ZNF420: variants seen among roughly 807,000 people sequenced by gnomAD.
ZNF420 encodes zinc finger protein 420.
Under a neutral mutation model 44.7 loss-of-function variants are expected in ZNF420, and 31 were observed. That is an observed-to-expected ratio of 0.69 (90% confidence interval 0.52 to 0.94). ZNF420 has a LOEUF of 0.94. ZNF420 is among the 40% of genes least tolerant of loss of function. ZNF420 has a pLI of 0.00. For synonymous variants in ZNF420, 245 were observed against 267.4 expected (o/e 0.92, Z 0.82); for missense variants, 681 against 827.9 (o/e 0.82, Z 2.18).
At chr19:37,041,729 C>G (rs1967456144) in intron 1 of ZNF420, among the ~76,000 whole-genome samples, 7 of 152,130 alleles carry the variant, frequency 4.6e-5, no homozygotes, top group Admixed American at 4.6e-4. Context: ...CCAGCTATTA[C>G]TTTATAGCTT....
chr19:37,099,226 G>A (rs1381241575), intron 4 of ZNF420, among the ~76,000 whole-genome samples: 1 of 152,026 alleles, frequency 6.6e-6, no homozygotes, highest in Non-Finnish European at 1.5e-5. Flanking sequence ...TCATATGGTA[G>A]TTCTATGTTT....
chr19:37,025,121 A>T (rs1217813748), intron 1 of ZNF420: 1 of 338,522 alleles, frequency 3.0e-6, no homozygotes, highest in Non-Finnish European at 5.4e-6. Context: ...GCCTTGTCAC[A>T]TTCCAAACAT....
At chr19:37,121,271 A>G (rs1227998952) in intron 4 of ZNF420, among the ~76,000 whole-genome samples, 1 of 148,052 alleles carries the variant, frequency 6.8e-6, no homozygotes, top group Non-Finnish European at 1.5e-5. Context: ...TGGTACCAAA[A>G]CAGAGATATA....
chr19:37,008,023 G>A (rs1366303700), exon 1 of ZNF420: 2 of 211,820 alleles, frequency 9.4e-6, no homozygotes, highest in African/African-American at 4.7e-5. Flanking sequence ...GAAACCACAG[G>A]CGGAGTCTAG....
intron 4 of ZNF420, among the ~76,000 whole-genome samples, chr19:37,120,500 A>G (rs1035243613): frequency 2.6e-4 from 39 of 152,308 alleles, no homozygotes; most frequent in African/African-American, 8.4e-4. Context: ...ATCTATGACA[A>G]ACCCACAGCC....
At chr19:37,025,411 C>G (rs1483420449) in intron 1 of ZNF420, among the ~76,000 whole-genome samples, 1 of 151,870 alleles carries the variant, frequency 6.6e-6, no homozygotes, top group Non-Finnish European at 1.5e-5. Flanking sequence ...AAAGGTGAGC[C>G]TTGAAATTTG....
intron 1 of ZNF420, among the ~76,000 whole-genome samples, chr19:37,010,031 T>G (rs1012171579): frequency 1.3e-5 from 2 of 152,138 alleles, no homozygotes; most frequent in Non-Finnish European, 2.9e-5. Flanking sequence ...GGCCTCAGCC[T>G]GAGTTCCAGG....
intron 4 of ZNF420, among the ~76,000 whole-genome samples, chr19:37,097,324 A>G (rs1321385710): frequency 1.3e-5 from 2 of 152,168 alleles, no homozygotes; most frequent in South Asian, 4.1e-4. Context: ...ATTGATTTCT[A>G]TAAATTGAAA....
intron 1 of ZNF420, among the ~76,000 whole-genome samples, chr19:37,029,712 G>A (rs937697109): frequency 1.3e-5 from 2 of 151,862 alleles, no homozygotes; most frequent in Non-Finnish European, 2.9e-5. Context: ...TAGTAGAGAC[G>A]GGGTTTCATC....
chr19:37,046,035 C>T (rs1293619430), intron 1 of ZNF420, among the ~76,000 whole-genome samples: 1 of 152,184 alleles, frequency 6.6e-6, no homozygotes, highest in South Asian at 2.1e-4. Flanking sequence ...GACTTATTCA[C>T]TATCATGAGA....
chr19:37,015,119 G>T (rs940679715), intron 1 of ZNF420, among the ~76,000 whole-genome samples: 3 of 152,234 alleles, frequency 2.0e-5, no homozygotes, highest in African/African-American at 7.2e-5. Context: ...TTCTGTGCGA[G>T]TGCTGGATGT....
intron 1 of ZNF420, among the ~76,000 whole-genome samples, chr19:37,060,606 GTTTCTGCT>G (rs1236930236): frequency 6.6e-6 from 1 of 151,628 alleles, no homozygotes; most frequent in Non-Finnish European, 1.5e-5. Context: ...CTCCAAACCT[GTTTCTGCT>G]TGATTGGGTA....
At chr19:37,064,573 T>C (rs1257051307) in intron 1 of ZNF420, among the ~76,000 whole-genome samples, 1 of 152,180 alleles carries the variant, frequency 6.6e-6, no homozygotes, top group Non-Finnish European at 1.5e-5. Context: ...ATAATAATAG[T>C]AGTAAAATAT....
chr19:37,084,319 G>A (rs1968635490), intron 2 of ZNF420, among the ~76,000 whole-genome samples: 1 of 151,962 alleles, frequency 6.6e-6, no homozygotes, highest in Non-Finnish European at 1.5e-5. Flanking sequence ...GCACAGATAA[G>A]TTTGTTTCAT....
intron 4 of ZNF420, among the ~76,000 whole-genome samples, chr19:37,122,535 G>A (rs1971110559): frequency 6.6e-6 from 1 of 152,040 alleles, no homozygotes; most frequent in African/African-American, 2.4e-5. Context: ...AATGGGTGCA[G>A]TACACCAACA....
rs34862836 is a variant in ZNF420, at chr19:37,129,707, TA to T, written c.*662del. On this transcript the variant is annotated 3_prime_UTR_variant, in exon 5 of 5. Coordinates refer to ENST00000337995, the MANE Select transcript of ZNF420 (RefSeq NM_144689.5). ...TGCTATAAGAGGAAATTCATACTGT[TA>T]AAAAAAAAAAAACCCAGTGGATATA... is the stretch of plus-strand genomic sequence containing the variant. 0.33 allele frequency: 47,765 copies of T among 145,602 alleles called. 7,651 individuals carry two copies. The highest frequency in any genetic ancestry group is 0.35 in the Non-Finnish European group (24,329 of 68,818). The allele number at this position is 145,602 out of a possible 1,614,324, so 9.0% of individuals were successfully genotyped here. A position where few individuals can be genotyped will look rare whatever the true frequency, so the allele number is the denominator to read the frequency against.
In ZNF420 at chr19:37,129,345, C is replaced by CA. The variant is rs1225235178; in HGVS notation, c.*287_*288insA. On this transcript the variant is annotated 3_prime_UTR_variant, in exon 5 of 5. Coordinates refer to ENST00000337995, the MANE Select transcript of ZNF420 (RefSeq NM_144689.5). ...CGTTATCTTAGCTCTACTAGTTGAT[C>CA]TTTTTGTTATATGTATCATGATACT... 1 of 378,064 alleles carries CA rather than the reference C, an allele frequency of 2.6e-6. No individual in the cohort carries two copies. The highest frequency in any genetic ancestry group is 4.7e-6 in the Non-Finnish European group (1 of 211,238). 23.4% of individuals were successfully genotyped at this position (378,064 alleles called of 1,614,324 possible).
At chr19:37,047,328 T>C (rs1967559558) in intron 1 of ZNF420, among the ~76,000 whole-genome samples, 1 of 152,176 alleles carries the variant, frequency 6.6e-6, no homozygotes, top group Non-Finnish European at 1.5e-5. Flanking sequence ...GGGAGTGGGC[T>C]TCCCCTGTTT....
At chr19:37,025,116 G>A (rs1485988532) in intron 1 of ZNF420, 16 of 323,582 alleles carry the variant, frequency 4.9e-5, no homozygotes, top group Non-Finnish European at 3.5e-5. Flanking sequence ...TAAAGGCCTT[G>A]TCACATTCCA....
Sources: allele counts gnomAD v4.1 joint callset (sites outside exome capture counted in the v4.1 genomes callset), GRCh38; gene constraint gnomAD v4.1.1; transcripts MANE v1.5; gene names NCBI Gene and HGNC (gene_info 2026-07-23, HGNC 2026-07-21).